The following TSHZ2 variants were observed in gnomAD, a reference collection of about 807,000 sequenced individuals.
TSHZ2 encodes teashirt zinc finger homeobox 2, also known as teashirt homolog 2.
A neutral mutation model predicts 74.4 loss-of-function variants in TSHZ2; 21 were observed. The observed-to-expected ratio is 0.28, with a 90% CI of 0.20 to 0.41. The LOEUF is 0.41. Among genes scored for constraint, TSHZ2 ranks in the 10% least tolerant of loss-of-function variants. TSHZ2 has a pLI of 1.00. For synonymous variants in TSHZ2, 540 were observed against 515.3 expected (o/e 1.05, Z -0.65); for missense variants, 1,244 against 1,293.5 (o/e 0.96, Z 0.59).
At chr20:53,192,994 GC>G (rs1284690947) in intron 1 of TSHZ2, among the ~76,000 whole-genome samples, 1 of 152,138 alleles carries the variant, frequency 6.6e-6, no homozygotes, top group African/African-American at 2.4e-5. Context: ...GAGCGGCTGT[GC>G]CAGCAGGTAA....
At chr20:52,975,106 C>A (rs1981279498) in intron 1 of TSHZ2, among the ~76,000 whole-genome samples, 1 of 152,110 alleles carries the variant, frequency 6.6e-6, no homozygotes, top group South Asian at 2.1e-4. Flanking sequence ...CTTTGAGACC[C>A]AGGAACAGTG....
chr20:53,009,274 G>A (rs1982766193), intron 1 of TSHZ2, among the ~76,000 whole-genome samples: 1 of 152,112 alleles, frequency 6.6e-6, no homozygotes, highest in Non-Finnish European at 1.5e-5. Context: ...GGAGGTTGAG[G>A]CTGCAGTGAG....
rs140477908 is a variant in TSHZ2, at chr20:53,365,701, G to T, written c.*8+109130G>T. Among the ~76,000 whole-genome samples, 353 of 152,280 alleles carry T rather than the reference G, an allele frequency of 2.3e-3. 3 individuals are homozygous for T. The highest frequency in any genetic ancestry group is 8.2e-3 in the African/African-American group (342 of 41,552). On this transcript the variant is annotated intron_variant, in intron 2 of 2. Coordinates refer to ENST00000371497, the MANE Select transcript of TSHZ2 (RefSeq NM_173485.6). ...GCTTACTCTACCATGTGGCTTCCAG[G>T]CTTTCAACAAATGTTCTTCCCTGCT...
intron 1 of TSHZ2, among the ~76,000 whole-genome samples, chr20:53,105,451 C>A (rs1600692069): frequency 6.6e-6 from 1 of 152,120 alleles, no homozygotes; most frequent in South Asian, 2.1e-4. Flanking sequence ...TGCCAAATGT[C>A]TCTTGAGCGG....
intron 2 of TSHZ2, among the ~76,000 whole-genome samples, chr20:53,430,954 C>A (rs1354605941): frequency 6.6e-6 from 1 of 151,982 alleles, no homozygotes; most frequent in East Asian, 2.0e-4. Flanking sequence ...CAGTGTTTCA[C>A]CAGGCTGGTC....
At chr20:53,087,222 A>C (rs546234465) in intron 1 of TSHZ2, among the ~76,000 whole-genome samples, 1 of 152,232 alleles carries the variant, frequency 6.6e-6, no homozygotes, top group Non-Finnish European at 1.5e-5. Context: ...CCAGGATCAG[A>C]TGCTTTTCCA....
intron 2 of TSHZ2, among the ~76,000 whole-genome samples, chr20:53,354,095 T>G (rs946507464): frequency 7.9e-5 from 12 of 152,224 alleles, no homozygotes; most frequent in Non-Finnish European, 1.8e-4. Flanking sequence ...AAGGTGAAAG[T>G]TTAACTACAT....
intron 2 of TSHZ2, among the ~76,000 whole-genome samples, chr20:53,419,249 C>A (rs912412978): frequency 5.3e-5 from 8 of 152,202 alleles, no homozygotes; most frequent in Non-Finnish European, 1.2e-4. Flanking sequence ...TAGGGTCCTG[C>A]AGACATTAGC....
At chr20:53,368,341 C>T (rs1156848887) in intron 2 of TSHZ2, among the ~76,000 whole-genome samples, 1 of 151,808 alleles carries the variant, frequency 6.6e-6, no homozygotes, top group Non-Finnish European at 1.5e-5. Flanking sequence ...ACGGAAGCTC[C>T]CCCTGTCACC....
At chr20:53,309,419 G>A (rs762954443) in intron 2 of TSHZ2, among the ~76,000 whole-genome samples, 1 of 151,816 alleles carries the variant, frequency 6.6e-6, no homozygotes, top group Non-Finnish European at 1.5e-5. Flanking sequence ...AGGAAGAGAA[G>A]CAAAGAGAAA....
chr20:53,492,160 A>T lies in TSHZ2; in HGVS notation c.*5025A>T, dbSNP rs950059364. ...GAATTGTCTTGAACCTGAAACCTGC[A>T]TTTAGATATCAGTCCCCTGCCAATA... On this transcript the variant is annotated 3_prime_UTR_variant, in exon 3 of 3. Transcript: ENST00000371497. 1 of 152,144 alleles carries T rather than the reference A, an allele frequency of 6.6e-6. No homozygotes were observed. Among genetic ancestry groups the T allele is most frequent in the Non-Finnish European group, 1.5e-5 (1 of 68,020 alleles). 9.4% of individuals were successfully genotyped at this position (152,144 alleles called of 1,614,324 possible). A position where few individuals can be genotyped will look rare whatever the true frequency, so the allele number is the denominator to read the frequency against.
chr20:52,976,632 A>C (rs1048840674), intron 1 of TSHZ2, among the ~76,000 whole-genome samples: 1 of 152,226 alleles, frequency 6.6e-6, no homozygotes, highest in African/African-American at 2.4e-5. Flanking sequence ...TAGACTTAGA[A>C]TCTAACTCTT....
At chr20:53,135,938 G>A (rs1355666329) in intron 1 of TSHZ2, among the ~76,000 whole-genome samples, 2 of 152,128 alleles carry the variant, frequency 1.3e-5, no homozygotes, top group Non-Finnish European at 2.9e-5. Context: ...TTCAGTTTTA[G>A]GTAGTGTATT....
chr20:53,391,146 T>TTTTGTTTTGG (rs1207857830), intron 2 of TSHZ2, among the ~76,000 whole-genome samples: 13 of 150,090 alleles, frequency 8.7e-5, no homozygotes, highest in African/African-American at 3.0e-4. Flanking sequence ...TTTTGTTTTG[T>TTTTGTTTTGG]TTTGTTTTGG....
intron 1 of TSHZ2, among the ~76,000 whole-genome samples, chr20:53,098,367 C>A (rs1448824331): frequency 6.6e-6 from 1 of 152,144 alleles, no homozygotes; most frequent in Non-Finnish European, 1.5e-5. Flanking sequence ...AGGAAACAGT[C>A]AAAAAATTAT....
chr20:53,272,756 A>G (rs6097324), intron 2 of TSHZ2, among the ~76,000 whole-genome samples: 1,588 of 152,290 alleles, frequency 0.01, 26 homozygotes, highest in African/African-American at 0.036. Flanking sequence ...CATCCGGGGT[A>G]AGAAATGTCT....
chr20:53,368,577 C>T (rs1356253843), intron 2 of TSHZ2, among the ~76,000 whole-genome samples: 2 of 152,212 alleles, frequency 1.3e-5, no homozygotes, highest in Non-Finnish European at 2.9e-5. Flanking sequence ...TCCCAAAGTG[C>T]TGGGATTACA....
chr20:53,459,937 G>T (rs547275575), intron 2 of TSHZ2, among the ~76,000 whole-genome samples: 1 of 152,282 alleles, frequency 6.6e-6, no homozygotes, highest in Admixed American at 6.5e-5. Flanking sequence ...CTGTTAGTCT[G>T]ATGGGCTTCC....
chr20:53,415,155 C>T (rs894853467), intron 2 of TSHZ2, among the ~76,000 whole-genome samples: 2 of 152,212 alleles, frequency 1.3e-5, no homozygotes, highest in African/African-American at 4.8e-5. Context: ...CTCTCTCTTT[C>T]ATTTGCCTTT....
Sources: allele counts gnomAD v4.1 joint callset (sites outside exome capture counted in the v4.1 genomes callset), GRCh38; gene constraint gnomAD v4.1.1; transcripts MANE v1.5; gene names NCBI Gene and HGNC (gene_info 2026-07-23, HGNC 2026-07-21).